The following DOP1B variants were observed in gnomAD, a reference collection of about 807,000 sequenced individuals.
The protein encoded by DOP1B is protein DOP1B.
DOP1B carries 174 observed loss-of-function variants against 233.5 expected under a neutral mutation model. The ratio of observed to expected loss-of-function variants is 0.75; its 90% CI spans 0.66 to 0.85. The LOEUF (loss-of-function observed/expected upper bound fraction) is 0.85. Ranked by LOEUF, DOP1B falls within the 40% of genes least tolerant of loss-of-function variation. DOP1B has a pLI of 0.00. For synonymous variants in DOP1B, 1,190 were observed against 1,185.6 expected (o/e 1.00, Z -0.08); for missense variants, 2,652 against 2,846.6 (o/e 0.93, Z 1.56).
At chr21:36,162,922 G>T (rs1438531809) in intron 1 of DOP1B, among the ~76,000 whole-genome samples, 2 of 152,064 alleles carry the variant, frequency 1.3e-5, no homozygotes, top group Non-Finnish European at 2.9e-5. Flanking sequence ...AAGCTCTGGT[G>T]CTGGAGGGGC....
chr21:36,259,115 G>A (rs552805728), intron 23 of DOP1B, among the ~76,000 whole-genome samples: 3 of 151,440 alleles, frequency 2.0e-5, no homozygotes, highest in African/African-American at 7.3e-5. Flanking sequence ...ACAGTCGCCC[G>A]CCACCACGCC....
chr21:36,245,321 A>G lies in DOP1B; in HGVS notation c.3341A>G (p.Asp1114Gly), dbSNP rs758084751. Residue 1114 changes from aspartate to glycine, a missense_variant, in exon 19 of 37, where the codon GAT becomes GGT. Asp to Gly is a moderately conservative substitution (Grantham distance 94). Around this residue, in one of 3 missense-constraint regions of DOP1B, gnomAD observed 2,617 missense variants for 2,794.3 expected, o/e 0.94. Transcript: ENST00000691173. This position sits in a 1 kb window ranked among gnomAD's most constrained non-coding sequence, Gnocchi z 5.5. ...AGCAGCGAGCACACCGAGTCTGCAG[A>G]TACAAGCTCCTGCCACACGGACAGC... ...PDSSEHTESA[D>G]TSSCHTDSEN... 1 of 1,614,008 alleles carries G rather than the reference A, an allele frequency of 6.2e-7. No homozygotes were observed. Among genetic ancestry groups the G allele is most frequent in the Non-Finnish European group, 8.5e-7 (1 of 1,180,052 alleles).
chr21:36,187,101 C>T (rs532267458), intron 2 of DOP1B, among the ~76,000 whole-genome samples: 1 of 151,838 alleles, frequency 6.6e-6, no homozygotes, highest in South Asian at 2.1e-4. Flanking sequence ...TGTCATTCCC[C>T]CAGCAGACGG....
At position 36,237,411 on chromosome 21, in the gene DOP1B, C is replaced by G. The variant is rs370218700; in HGVS notation, c.2772C>G (p.Asp924Glu). 6.2e-7 allele frequency: 1 copy of G among 1,613,970 alleles called. No individual in the cohort carries two copies. Among genetic ancestry groups the G allele is most frequent in the East Asian group, 2.2e-5 (1 of 44,888 alleles). ...DIICHALLDP[D>E]KGTRLEALFR... ...TCTGCCATGCCCTCCTGGACCCTGACAAGGTGAGCCTTTCTGGCCGCCACC... is the reference window on the plus strand; with the variant it reads ...TCTGCCATGCCCTCCTGGACCCTGAGAAGGTGAGCCTTTCTGGCCGCCACC... Residue 924 changes from aspartate (D) to glutamate (E), a missense_variant, in exon 16 of 37, where the codon GAC (aspartate) becomes GAG (glutamate). Physicochemically the swap from Asp to Glu is conservative, Grantham distance 45. Transcript: ENST00000691173.
rs558266613 is a variant in DOP1B, at chr21:36,287,276, C to T, written c.6161-738C>T. Among the ~76,000 whole-genome samples, 317 of 152,284 alleles carry T rather than the reference C, an allele frequency of 2.1e-3. 2 individuals carry two copies. The highest frequency in any genetic ancestry group is 1.1e-3 in the Non-Finnish European group (76 of 68,028). On this transcript the variant is annotated intron_variant, in intron 32 of 36. Transcript: ENST00000691173. ...TTATATTTACTTGCTCCGCTTCCCA[C>T]CCACCACCCTCAAAATATGGTGTTG...
intron 26 of DOP1B, among the ~76,000 whole-genome samples, chr21:36,268,885 G>T (rs59345928): frequency 1.1e-3 from 174 of 152,134 alleles, no homozygotes; most frequent in African/African-American, 3.9e-3. Flanking sequence ...GGCCATCATG[G>T]TCTCAATCTC....
In DOP1B at chr21:36,200,327, G is replaced by C. The variant is rs374011941; in HGVS notation, c.321-4G>C. On this transcript the variant is annotated splice_region_variant and splice_polypyrimidine_tract_variant and intron_variant, in intron 3 of 36. Transcript: ENST00000691173. The stretch of plus-strand genomic sequence containing the variant: ...GCCCCGCTCCCTCTCGTTCTTTCTC[G>C]AAGCTGCGGGTTATTTCCTCTCCTG... 12 of 1,581,488 alleles carry C rather than the reference G, an allele frequency of 7.6e-6. No homozygotes were observed. The highest frequency in any genetic ancestry group is 9.5e-6 in the Non-Finnish European group (11 of 1,163,256).
chr21:36,264,632 C>T (rs1402486761), intron 26 of DOP1B, among the ~76,000 whole-genome samples: 3 of 151,852 alleles, frequency 2.0e-5, no homozygotes, highest in African/African-American at 4.8e-5. Flanking sequence ...CCACCACGCC[C>T]GGCTAATTTT....
intron 14 of DOP1B, 101 bp from the exon 15 acceptor site, chr21:36,232,703 A>T: frequency 6.6e-7 from 1 of 1,515,728 alleles, no homozygotes; most frequent in East Asian, 2.3e-5. Context: ...TGGATTTCTC[A>T]GGTAACTTCC....
At chr21:36,280,415 C>A in intron 31 of DOP1B, 69 bp downstream of exon 31, 2 of 1,177,146 alleles carry the variant, frequency 1.7e-6, no homozygotes, top group South Asian at 1.3e-5. Context: ...CAGCTTTCAT[C>A]ATGTATTTCC....
intron 11 of DOP1B, among the ~76,000 whole-genome samples, chr21:36,223,891 T>C (rs1413938394): frequency 6.6e-6 from 1 of 152,096 alleles, no homozygotes; most frequent in Non-Finnish European, 1.5e-5. Flanking sequence ...TCCCATGCCA[T>C]TTTCTTTACG....
chr21:36,237,889 C>T (rs1380294608), intron 16 of DOP1B, among the ~76,000 whole-genome samples: 1 of 151,994 alleles, frequency 6.6e-6, no homozygotes, highest in Non-Finnish European at 1.5e-5. Context: ...TAAATAAGGC[C>T]AGGTGCAGTG....
At chr21:36,293,137 C>G (rs1217445873) in intron 36 of DOP1B, among the ~76,000 whole-genome samples, 183 bp from the exon 37 acceptor site, 1 of 150,070 alleles carries the variant, frequency 6.7e-6, no homozygotes, top group Non-Finnish European at 1.5e-5. Context: ...ACCCGGGAGA[C>G]AGAGGTTGCA....
rs145872334 is a variant in DOP1B, at chr21:36,288,479, G to A, written c.6298-277G>A. Among the ~76,000 whole-genome samples the A allele has an allele frequency of 2.2e-3, 335 of 152,156 alleles. 2 individuals carry two copies. The highest frequency in any genetic ancestry group is 4.6e-3 in the South Asian group (22 of 4,814). On this transcript the variant is annotated intron_variant, in intron 33 of 36. Transcript: ENST00000691173. ...AGGCTAAGGTGGATGGATCACTTGA[G>A]CCCAGGAGTTCGAGACTAGCCTGGG...
At chr21:36,216,872 TG>T (rs1033854981) in intron 9 of DOP1B, among the ~76,000 whole-genome samples, 1 of 151,864 alleles carries the variant, frequency 6.6e-6, no homozygotes, top group African/African-American at 2.4e-5. Flanking sequence ...GTGAGGAGTT[TG>T]AGACCAGTCT....
intron 11 of DOP1B, 86 bp from the exon 12 acceptor site, chr21:36,225,479 T>A: frequency 6.9e-7 from 1 of 1,456,734 alleles, no homozygotes; most frequent in Non-Finnish European, 9.5e-7. Flanking sequence ...AGTCCACCCA[T>A]CTCGGCCTCC....
chr21:36,282,425 A>C (rs1305667741), intron 32 of DOP1B, among the ~76,000 whole-genome samples: 1 of 152,134 alleles, frequency 6.6e-6, no homozygotes, highest in Non-Finnish European at 1.5e-5. Context: ...TCTCTAAATA[A>C]ATACATAATA....
chr21:36,224,682 G>T (rs2066662166), intron 11 of DOP1B, among the ~76,000 whole-genome samples: 1 of 150,496 alleles, frequency 6.6e-6, no homozygotes. Flanking sequence ...GTTATGAGAT[G>T]AAAAGCAATA....
intron 9 of DOP1B, among the ~76,000 whole-genome samples, chr21:36,219,157 C>T (rs889155062): frequency 2.0e-5 from 3 of 152,140 alleles, no homozygotes; most frequent in African/African-American, 7.2e-5. Context: ...GTCTGGCACA[C>T]AGGAAGTTCT....
Sources: allele counts gnomAD v4.1 joint callset (sites outside exome capture counted in the v4.1 genomes callset), GRCh38; gene constraint gnomAD v4.1.1; regional missense constraint gnomAD v4.1.1; non-coding constraint Gnocchi (gnomAD v3.1); transcripts MANE v1.5; gene names NCBI Gene and HGNC (gene_info 2026-07-23, HGNC 2026-07-21).